TMEM126B: variants seen among roughly 807,000 people sequenced by gnomAD.
TMEM126B encodes the protein complex I assembly factor TMEM126B, mitochondrial.
Under a neutral mutation model 16.5 loss-of-function variants are expected in TMEM126B, and 19 were observed. The observed-to-expected ratio is 1.15, with a 90% CI of 0.80 to 1.69. TMEM126B has a LOEUF of 1.69. TMEM126B is among the 40% of genes most tolerant of loss of function. The probability of loss-of-function intolerance (pLI) is 0.00; values close to 1 mark genes in which losing one functional copy is unlikely to be tolerated. For missense variants in TMEM126B, 293 were observed against 278.7 expected, an observed-to-expected ratio of 1.05 and a Z score of -0.37; for synonymous variants, 104 against 93.2, an observed-to-expected ratio of 1.12 and a Z score of -0.67.
At chr11:85,630,495 G>A (rs1272094633) in intron 1 of TMEM126B, among the ~76,000 whole-genome samples, 1 of 152,206 alleles carries the variant, frequency 6.6e-6, no homozygotes, top group African/African-American at 2.4e-5. Flanking sequence ...TGCTGTAGTA[G>A]GTAAACATTT....
intron 2 of TMEM126B, among the ~76,000 whole-genome samples, chr11:85,632,120 G>A (rs576320283): frequency 6.6e-6 from 1 of 152,202 alleles, no homozygotes; most frequent in African/African-American, 2.4e-5. Context: ...ACCATTGAGG[G>A]GGGTACTTAT....
rs540413193 is a variant in TMEM126B at position 85,628,644 on chromosome 11, A to G, written c.37A>G (p.Arg13Gly). The change falls in exon 1 of 5, where the codon AGG becomes GGG. Residue 13 changes from arginine (R) to glycine (G), a missense_variant. Transcript: ENST00000358867. The stretch of plus-strand genomic sequence containing the variant: ...CGGGTATGAGGCTGGGACTAAGCCA[A>G]GGGATTCAGGTGTGGTGCCGGTGGG... ...VFGYEAGTKPRDSGVVPVGTE... is the reference protein window; with the variant it reads ...VFGYEAGTKPGDSGVVPVGTE... The G allele has an allele frequency of 6.5e-7, 1 of 1,536,196 alleles. No homozygotes were observed. The highest frequency in any genetic ancestry group is 8.7e-7 in the Non-Finnish European group (1 of 1,146,914).
rs1374240547 is a variant in TMEM126B at position 85,628,624 on chromosome 11, A to G, written c.17A>G (p.Tyr6Cys). ...GCCACCAAAATGGTGGTGTTCGGGT[A>G]TGAGGCTGGGACTAAGCCAAGGGAT... is the stretch of plus-strand genomic sequence containing the variant. MVVFG[Y>C]EAGTKPRDSG... Residue 6 changes from tyrosine (Y) to cysteine (C), a missense_variant, in exon 1 of 5, where the codon TAT becomes TGT. By Grantham distance (194) the Tyr-to-Cys change is radical. Coordinates refer to ENST00000358867, the MANE Select transcript of TMEM126B (RefSeq NM_018480.7). The G allele has an allele frequency of 2.0e-6, 3 of 1,536,132 alleles. No individual in the cohort carries two copies. The highest frequency in any genetic ancestry group is 2.4e-5 in the East Asian group (1 of 40,906).
chr11:85,631,645 G>A, intron 1 of TMEM126B, 42 bp from the exon 2 acceptor site: 1 of 1,584,552 alleles, frequency 6.3e-7, no homozygotes, highest in South Asian at 1.2e-5. Flanking sequence ...TATGTAATAT[G>A]AATATCATTA....
At position 85,631,563 on chromosome 11, in the gene TMEM126B, C is replaced by T. The variant is rs75822036; in HGVS notation, c.82-124C>T. On this transcript the variant is annotated intron_variant, in intron 1 of 4. Coordinates refer to ENST00000358867, the MANE Select transcript of TMEM126B (RefSeq NM_018480.7). ...TACTAACAAAGTATGTGAAAGCAGA[C>T]GACACAGTACCTGGCACACTACTAA... 2.4e-3 allele frequency: 2,664 copies of T among 1,106,838 alleles called. 48 individuals are homozygous for T. The African/African-American group carries it at 0.032, about 13-fold the overall frequency. 68.6% of individuals were successfully genotyped at this position (1,106,838 alleles called of 1,614,324 possible). A position where few individuals can be genotyped will look rare whatever the true frequency, so the allele number is the denominator to read the frequency against.
At position 85,629,301 on chromosome 11, in the gene TMEM126B, A is replaced by T. The variant is rs937008256; in HGVS notation, c.81+613A>T. ...TTAGGTGAAAAATTTATTATTAGGT[A>T]AAATAATACACATGAAAGCACTACA... On this transcript the variant is annotated intron_variant, in intron 1 of 4. Transcript: ENST00000358867. 11 of 1,149,340 alleles carry T rather than the reference A, an allele frequency of 9.6e-6. No individual in the cohort carries two copies. In the African/African-American group the frequency reaches 1.6e-4, roughly 17 times the overall value. 71.2% of individuals were successfully genotyped at this position (1,149,340 alleles called of 1,614,324 possible).
chr11:85,628,662 C>A lies in TMEM126B; in HGVS notation c.55C>A (p.Pro19Thr). The change falls in exon 1 of 5, where the codon CCG becomes ACG. Residue 19 changes from proline (P) to threonine (T), a missense_variant. Transcript: ENST00000358867. ...GTKPRDSGVVPVGTEEAPKVF... is the reference protein window; with the variant it reads ...GTKPRDSGVVTVGTEEAPKVF... ...TAAGCCAAGGGATTCAGGTGTGGTG[C>A]CGGTGGGAACTGAGGAAGCGCCCAA... 6.5e-7 allele frequency: 1 copy of A among 1,536,120 alleles called. No individual in the cohort carries two copies. The highest frequency in any genetic ancestry group is 8.7e-7 in the Non-Finnish European group (1 of 1,146,908).
In TMEM126B at chr11:85,635,718, T is replaced by G; in HGVS notation, c.449T>G (p.Val150Gly). The change falls in exon 4 of 5, where the codon GTT becomes GGT. Residue 150 changes from valine to glycine, a missense_variant. Coordinates refer to ENST00000358867, the MANE Select transcript of TMEM126B (RefSeq NM_018480.7). ...CVFRSSLIGI[V>G]CGVFYPSSLA... ...TTCAGAAGCTCACTGATTGGCATAG[T>G]TTGTGGTGTTTTCTATCCCAGTTCT... The G allele has an allele frequency of 6.2e-7, 1 of 1,610,092 alleles. No homozygotes were observed. Among genetic ancestry groups the G allele is most frequent in the Non-Finnish European group, 8.5e-7 (1 of 1,179,058 alleles).
chr11:85,635,839 T>TA (rs2082392625), intron 4 of TMEM126B, 61 bp downstream of exon 4: 1 of 1,082,360 alleles, frequency 9.2e-7, no homozygotes, highest in East Asian at 2.6e-5. Context: ...TTTTTTTTTT[T>TA]AGGTTAATAA....
At chr11:85,629,597 T>C (rs571307012) in intron 1 of TMEM126B, among the ~76,000 whole-genome samples, 1 of 152,132 alleles carries the variant, frequency 6.6e-6, no homozygotes, top group African/African-American at 2.4e-5. Flanking sequence ...GTAGAAGATA[T>C]TGCCTGGAAG....
rs950605295 is a variant in TMEM126B, at chr11:85,628,640, G to A, written c.33G>A (p.Lys11=). MVVFGYEAGT[K]PRDSGVVPVG... ...TGTTCGGGTATGAGGCTGGGACTAA[G>A]CCAAGGGATTCAGGTGTGGTGCCGG... The change falls in exon 1 of 5, where the codon AAG becomes AAA. Residue 11 remains lysine (K), a synonymous_variant. Transcript: ENST00000358867. 4 of 1,536,196 alleles carry A rather than the reference G, an allele frequency of 2.6e-6. No homozygotes were observed. Among genetic ancestry groups the A allele is most frequent in the Non-Finnish European group, 3.5e-6 (4 of 1,146,914 alleles).
At chr11:85,629,242 ATGT>A in intron 1 of TMEM126B, 1 of 1,289,314 alleles carries the variant, frequency 7.8e-7, no homozygotes, top group South Asian at 1.2e-5. Context: ...TTATGAGCGA[ATGT>A]TGAATAAAAT....
At chr11:85,628,787 T>G in intron 1 of TMEM126B, 99 bp downstream of exon 1, 8 of 1,220,862 alleles carry the variant, frequency 6.6e-6, no homozygotes, top group Non-Finnish European at 9.3e-6. Flanking sequence ...ATTTGAAAAG[T>G]TAAAACAGCT....
chr11:85,631,763 T>C lies in TMEM126B; in HGVS notation c.158T>C (p.Val53Ala). 6.2e-7 allele frequency: 1 copy of C among 1,612,640 alleles called. No homozygotes were observed. The highest frequency in any genetic ancestry group is 8.5e-7 in the Non-Finnish European group (1 of 1,179,492). ...GATGCAAAACTCAGAAGACCAATGG[T>C]CATAGAAATCATAGAAAAAAATTTT... ...LEDAKLRRPM[V>A]IEIIEKNFDY... is the part of the protein sequence containing the mutation. Residue 53 changes from valine to alanine, a missense_variant, in exon 2 of 5, where the codon GTC becomes GCC. Coordinates refer to ENST00000358867, the MANE Select transcript of TMEM126B (RefSeq NM_018480.7).
intron 1 of TMEM126B, among the ~76,000 whole-genome samples, chr11:85,629,681 T>C (rs936879542): frequency 1.3e-5 from 2 of 152,160 alleles, no homozygotes; most frequent in Non-Finnish European, 2.9e-5. Context: ...CAAAAATTTA[T>C]CTATGGTTTA....
chr11:85,635,613 G>C, intron 3 of TMEM126B, 54 bp from the exon 4 acceptor site: 1 of 1,258,958 alleles, frequency 7.9e-7, no homozygotes, highest in Non-Finnish European at 1.1e-6. Context: ...GTACAACACT[G>C]TCTTAATAGC....
At chr11:85,635,619 A>T (rs779900827) in intron 3 of TMEM126B, 48 bp from the exon 4 acceptor site, 1 of 1,328,844 alleles carries the variant, frequency 7.5e-7, no homozygotes. Context: ...CACTGTCTTA[A>T]TAGCTCTTGA....
intron 2 of TMEM126B, among the ~76,000 whole-genome samples, chr11:85,632,992 C>A (rs2153306986): frequency 1.3e-5 from 2 of 152,208 alleles, no homozygotes; most frequent in East Asian, 3.9e-4. Flanking sequence ...GTGATGTTCC[C>A]CTTCCTGTGT....
chr11:85,632,537 G>A (rs1254949863), intron 2 of TMEM126B, among the ~76,000 whole-genome samples: 1 of 152,132 alleles, frequency 6.6e-6, no homozygotes, highest in East Asian at 1.9e-4. Flanking sequence ...TTACATATGG[G>A]TCTTAATAAG....
Sources: gnomAD v4.1 joint callset for allele counts (sites outside exome capture counted in the v4.1 genomes callset) on GRCh38, gnomAD v4.1.1 for gene constraint, MANE v1.5 for transcripts, NCBI Gene and HGNC (gene_info 2026-07-23, HGNC 2026-07-21) for gene names.